Variants in PGP observed in about 807,000 individuals in gnomAD.
PGP encodes the protein aspartate-based ubiquitous Mg(2+)-dependent phosphatase.
A neutral mutation model predicts 19.3 loss-of-function variants in PGP; 9 were observed. The observed-to-expected ratio is 0.47, with a 90% CI of 0.28 to 0.81. The LOEUF (loss-of-function observed/expected upper bound fraction) is 0.81. PGP is among the 40% of genes least tolerant of loss of function. The probability of loss-of-function intolerance (pLI) is 0.11; values close to 1 mark genes in which losing one functional copy is unlikely to be tolerated. For synonymous variants in PGP, 308 were observed against 226.8 expected (o/e 1.36, Z -3.22); for missense variants, 403 against 479.9 (o/e 0.84, Z 1.50).
At position 2,214,172 on chromosome 16, in the gene PGP, G is replaced by C; in HGVS notation, c.606C>G (p.Asn202Lys). The C allele has an allele frequency of 6.3e-7, 1 of 1,594,610 alleles. No homozygotes were observed. Among genetic ancestry groups the C allele is most frequent in the Non-Finnish European group, 8.5e-7 (1 of 1,178,676 alleles). ...AGCGGCCGTTCTCAAGCGGAAGCCG[G>C]TTGTCCATGTTGGTGCCCACGAGCA... ...GCLLVGTNMD[N>K]RLPLENGRFI... Residue 202 changes from asparagine to lysine, a missense_variant, in exon 1 of 2, where the codon AAC (asparagine) becomes AAG (lysine). Physicochemically the swap from Asn to Lys is moderately conservative, Grantham distance 94 (BLOSUM62 0). Coordinates refer to ENST00000333503, the MANE Select transcript of PGP (RefSeq NM_001042371.3). The surrounding 1 kb of genome is among the most constrained non-coding windows in gnomAD (Gnocchi z 7.1).
Position 2,211,849 on chromosome 16 carries a change from C to T in PGP, c.*1879G>A, listed in dbSNP as rs368222893. On this transcript the variant is annotated 3_prime_UTR_variant, in exon 2 of 2. Transcript: ENST00000333503. ...TTTCCCTCATTCTTCAAAACATCTT[C>T]CTCTGAACCAGGCTGGGAGTGGGCA... 18 of 985,532 alleles carry T rather than the reference C, an allele frequency of 1.8e-5. No individual in the cohort carries two copies. The highest frequency in any genetic ancestry group is 5.2e-5 in the African/African-American group (3 of 57,360). The allele number at this position is 985,532 out of a possible 1,614,324, so 61.0% of individuals were successfully genotyped here.
At position 2,214,209 on chromosome 16, in the gene PGP, T is replaced by A; in HGVS notation, c.569A>T (p.Gln190Leu). 1 of 1,595,906 alleles carries A rather than the reference T, an allele frequency of 6.3e-7. No homozygotes were observed. Among genetic ancestry groups the A allele is most frequent in the Non-Finnish European group, 8.5e-7 (1 of 1,179,078 alleles). The change falls in exon 1 of 2, where the codon CAG becomes CTG. Residue 190 changes from glutamine (Q) to leucine (L), a missense_variant. By Grantham distance (113) the Gln-to-Leu change is moderately radical. Transcript: ENST00000333503. This position sits in a 1 kb window ranked among gnomAD's most constrained non-coding sequence, Gnocchi z 7.1. ...KLTKALRYLQ[Q>L]PGCLLVGTNM... The stretch of plus-strand genomic sequence containing the variant: ...GGTGCCCACGAGCAGGCAGCCGGGC[T>A]GCTGCAGGTAGCGCAGGGCCTTGGT...
chr16:2,212,066 T>A lies in PGP; in HGVS notation c.*1662A>T. On this transcript the variant is annotated 3_prime_UTR_variant, in exon 2 of 2. Coordinates refer to ENST00000333503, the MANE Select transcript of PGP (RefSeq NM_001042371.3). ...AGCCCCTCATGGGCCAGAGACAGGA[T>A]GCACGGGGACTCCCAGCCCCTACCC... The A allele has an allele frequency of 2.0e-6, 2 of 985,452 alleles. No homozygotes were observed. The highest frequency in any genetic ancestry group is 2.4e-6 in the Non-Finnish European group (2 of 829,936). 61.0% of individuals were successfully genotyped at this position (985,452 alleles called of 1,614,324 possible). A position where few individuals can be genotyped will look rare whatever the true frequency, so the allele number is the denominator to read the frequency against.
rs1173509154 is a variant in PGP at position 2,214,175 on chromosome 16, G to A, written c.603C>T (p.Asp201=). 4 of 1,595,508 alleles carry A rather than the reference G, an allele frequency of 2.5e-6. No individual in the cohort carries two copies. Among genetic ancestry groups the A allele is most frequent in the South Asian group, 2.2e-5 (2 of 90,680 alleles). ...GGCCGTTCTCAAGCGGAAGCCGGTT[G>A]TCCATGTTGGTGCCCACGAGCAGGC... ...PGCLLVGTNM[D]NRLPLENGRF... is the part of the protein sequence containing the mutation. The change falls in exon 1 of 2, where the codon GAC becomes GAT. Residue 201 remains aspartate (D), a synonymous_variant. Coordinates refer to ENST00000333503, the MANE Select transcript of PGP (RefSeq NM_001042371.3). This position sits in a 1 kb window ranked among gnomAD's most constrained non-coding sequence, Gnocchi z 7.1.
In PGP at chr16:2,214,007, C is replaced by G; in HGVS notation, c.687G>C (p.Gln229His). ...GGCTGGGCTTCCCGATGATGTCGGC[C>G]TGGCGCTGGGCGGCCATCTCCACGG... ...VRAVEMAAQRQADIIGKPSRF... is the reference protein window; with the variant it reads ...VRAVEMAAQRHADIIGKPSRF... The change falls in exon 2 of 2, where the codon CAG becomes CAC. Residue 229 changes from glutamine (Q) to histidine (H), a missense_variant. Coordinates refer to ENST00000333503, the MANE Select transcript of PGP (RefSeq NM_001042371.3). This position sits in a 1 kb window ranked among gnomAD's most constrained non-coding sequence, Gnocchi z 7.1. 1 of 1,605,410 alleles carries G rather than the reference C, an allele frequency of 6.2e-7. No individual in the cohort carries two copies. Among genetic ancestry groups the G allele is most frequent in the Non-Finnish European group, 8.5e-7 (1 of 1,174,844 alleles).
In PGP at chr16:2,212,590, C is replaced by CTCTAAA; in HGVS notation, c.*1137_*1138insTTTAGA. The CTCTAAA allele has an allele frequency of 1.0e-6, 1 of 985,488 alleles. No individual in the cohort carries two copies. 61.0% of individuals were successfully genotyped at this position (985,488 alleles called of 1,614,324 possible). A position where few individuals can be genotyped will look rare whatever the true frequency, so the allele number is the denominator to read the frequency against. ...GCAGGTGACCTCCTGGGCCACCAGT[C>CTCTAAA]TCTAACCCCTACCCCAGCCTAGGGA... On this transcript the variant is annotated 3_prime_UTR_variant, in exon 2 of 2. Transcript: ENST00000333503.
Position 2,212,310 on chromosome 16 carries a change from A to G in PGP, c.*1418T>C. ...CTCAGGACGCCTCTTATTGCTCTGA[A>G]GTCTTTGTGACCAAGTGGAGTGCTG... On this transcript the variant is annotated 3_prime_UTR_variant, in exon 2 of 2. Transcript: ENST00000333503. The G allele has an allele frequency of 1.0e-6, 1 of 986,046 alleles. No homozygotes were observed. The highest frequency in any genetic ancestry group is 1.2e-6 in the Non-Finnish European group (1 of 830,130). The allele number at this position is 986,046 out of a possible 1,614,324, so 61.1% of individuals were successfully genotyped here.
Position 2,213,625 on chromosome 16 carries a change from T to C in PGP, c.*103A>G, listed in dbSNP as rs2093380897. On this transcript the variant is annotated 3_prime_UTR_variant, in exon 2 of 2. Coordinates refer to ENST00000333503, the MANE Select transcript of PGP (RefSeq NM_001042371.3). ...TTTGCTTAACTCCAATTACACTCTT[T>C]GAAGCCACTTAGCCGAGCAGATGCT... 9 of 1,166,812 alleles carry C rather than the reference T, an allele frequency of 7.7e-6. No homozygotes were observed. The East Asian group carries it at 1.8e-4, about 24-fold the overall frequency. 72.3% of individuals were successfully genotyped at this position (1,166,812 alleles called of 1,614,324 possible). A position where few individuals can be genotyped will look rare whatever the true frequency, so the allele number is the denominator to read the frequency against.
At position 2,213,045 on chromosome 16, in the gene PGP, G is replaced by A; in HGVS notation, c.*683C>T. Reference sequence around the variant, plus strand: ...ATAAATGCACACTTGAGACAGCAGAGCTTTAGCTGGGCTGCGTTTACAGAA... The same window carrying A: ...ATAAATGCACACTTGAGACAGCAGAACTTTAGCTGGGCTGCGTTTACAGAA... On this transcript the variant is annotated 3_prime_UTR_variant, in exon 2 of 2. Transcript: ENST00000333503. 2 of 985,508 alleles carry A rather than the reference G, an allele frequency of 2.0e-6. No homozygotes were observed. The highest frequency in any genetic ancestry group is 1.2e-6 in the Non-Finnish European group (1 of 829,962). The allele number at this position is 985,508 out of a possible 1,614,324, so 61.0% of individuals were successfully genotyped here.
At position 2,214,560 on chromosome 16, in the gene PGP, G is replaced by C; in HGVS notation, c.218C>G (p.Thr73Ser). ...CAGCTTCTCGGCGTAGGCAGCGCGG[G>C]TCTTGCTGCTGTTGTTGGTGATGAA... Reference protein sequence around the residue: ...LGFITNNSSKTRAAYAEKLRR... With the variant: ...LGFITNNSSKSRAAYAEKLRR... Residue 73 changes from threonine (T) to serine (S), a missense_variant, in exon 1 of 2, where the codon ACC becomes AGC. Coordinates refer to ENST00000333503, the MANE Select transcript of PGP (RefSeq NM_001042371.3). The surrounding 1 kb of genome is among the most constrained non-coding windows in gnomAD (Gnocchi z 7.1). 2 of 1,467,562 alleles carry C rather than the reference G, an allele frequency of 1.4e-6. No homozygotes were observed. The highest frequency in any genetic ancestry group is 9.0e-7 in the Non-Finnish European group (1 of 1,113,148). 90.9% of individuals were successfully genotyped at this position (1,467,562 alleles called of 1,614,324 possible). A position where few individuals can be genotyped will look rare whatever the true frequency, so the allele number is the denominator to read the frequency against.
chr16:2,214,758 C>A lies in PGP; in HGVS notation c.20G>T (p.Gly7Val), dbSNP rs2093383672. Reference protein sequence around the residue: MAAAEAGGDDARCVRLS... With the variant: MAAAEAVGDDARCVRLS... ...CCGCACGCAGCGGGCGTCGTCGCCA[C>A]CGGCCTCCGCCGCCGCCATCGCCGC... The change falls in exon 1 of 2, where the codon GGT (glycine) becomes GTT (valine). Residue 7 changes from glycine (G) to valine (V), a missense_variant. Transcript: ENST00000333503. This position sits in a 1 kb window ranked among gnomAD's most constrained non-coding sequence, Gnocchi z 7.1. The A allele has an allele frequency of 6.1e-6, 7 of 1,142,120 alleles. No homozygotes were observed. The highest frequency in any genetic ancestry group is 7.5e-6 in the Non-Finnish European group (7 of 929,176). The allele number at this position is 1,142,120 out of a possible 1,614,324, so 70.7% of individuals were successfully genotyped here.
Position 2,212,424 on chromosome 16 carries a change from C to G in PGP, c.*1304G>C, listed in dbSNP as rs111487907. The G allele has an allele frequency of 5.3e-5, 52 of 985,760 alleles. No homozygotes were observed. The highest frequency in any genetic ancestry group is 6.1e-5 in the Non-Finnish European group (51 of 830,048). 61.1% of individuals were successfully genotyped at this position (985,760 alleles called of 1,614,324 possible). Reference sequence around the variant, plus strand: ...GAAGGTGCAGCATCCCGGGATGGCCCTGCTGAGTCTGCTGTCAGGCCTGTG... The same window carrying G: ...GAAGGTGCAGCATCCCGGGATGGCCGTGCTGAGTCTGCTGTCAGGCCTGTG... On this transcript the variant is annotated 3_prime_UTR_variant, in exon 2 of 2. Transcript: ENST00000333503.
rs1477912299 is a variant in PGP at position 2,212,743 on chromosome 16, G to A, written c.*985C>T. 2.0e-6 allele frequency: 2 copies of A among 985,276 alleles called. No homozygotes were observed. Among genetic ancestry groups the A allele is most frequent in the African/African-American group, 3.5e-5 (2 of 57,246 alleles). 61.0% of individuals were successfully genotyped at this position (985,276 alleles called of 1,614,324 possible). The stretch of plus-strand genomic sequence containing the variant: ...CTTGGCCAACACATGCTTGAGCCGC[G>A]CTGCTGGCTGCAGGGCACCTGGATG... On this transcript the variant is annotated 3_prime_UTR_variant, in exon 2 of 2. Transcript: ENST00000333503.
chr16:2,213,264 C>T lies in PGP; in HGVS notation c.*464G>A, dbSNP rs992577738. 1.8e-5 allele frequency: 18 copies of T among 986,154 alleles called. No individual in the cohort carries two copies. Among genetic ancestry groups the T allele is most frequent in the Middle Eastern group, 5.2e-4 (1 of 1,914 alleles). The allele number at this position is 986,154 out of a possible 1,614,324, so 61.1% of individuals were successfully genotyped here. A position where few individuals can be genotyped will look rare whatever the true frequency, so the allele number is the denominator to read the frequency against. On this transcript the variant is annotated 3_prime_UTR_variant, in exon 2 of 2. Transcript: ENST00000333503. ...GGAGGCACAGGGACACAGAAGGCTC[C>T]GCTGGACTTTCAGTCATACTGATGG...
chr16:2,214,628 G>A lies in PGP; in HGVS notation c.150C>T (p.Pro50=), dbSNP rs1447716738. 6.9e-6 allele frequency: 10 copies of A among 1,448,204 alleles called. No individual in the cohort carries two copies. The highest frequency in any genetic ancestry group is 1.3e-5 in the South Asian group (1 of 75,920). 89.7% of individuals were successfully genotyped at this position (1,448,204 alleles called of 1,614,324 possible). ...WRGETAVPGA[P]EALRALRARG... Reference sequence around the variant, plus strand: ...GGGCTCGCAGCGCCCGCAGGGCCTCGGGCGCGCCAGGCACGGCGGTCTCCC... The same window carrying A: ...GGGCTCGCAGCGCCCGCAGGGCCTCAGGCGCGCCAGGCACGGCGGTCTCCC... Residue 50 remains proline (P), a synonymous_variant, in exon 1 of 2, where the codon CCC becomes CCT. Coordinates refer to ENST00000333503, the MANE Select transcript of PGP (RefSeq NM_001042371.3). The surrounding 1 kb of genome is among the most constrained non-coding windows in gnomAD (Gnocchi z 7.1).
In PGP at chr16:2,213,726, C is replaced by CT; in HGVS notation, c.*1dup. On this transcript the variant is annotated 3_prime_UTR_variant, in exon 2 of 2. Coordinates refer to ENST00000333503, the MANE Select transcript of PGP (RefSeq NM_001042371.3). ...ATTCTGCAGATTAAAGACACTCAAT[C>CT]TTTAACCTTGAAGGGCAGGCAAAAG... The CT allele has an allele frequency of 5.3e-6, 8 of 1,519,530 alleles. No individual in the cohort carries two copies. Among genetic ancestry groups the CT allele is most frequent in the Non-Finnish European group, 7.1e-6 (8 of 1,132,418 alleles). The allele number at this position is 1,519,530 out of a possible 1,614,324, so 94.1% of individuals were successfully genotyped here.
rs1455326433 is a variant in PGP, at chr16:2,213,336, C to T, written c.*392G>A. On this transcript the variant is annotated 3_prime_UTR_variant, in exon 2 of 2. Coordinates refer to ENST00000333503, the MANE Select transcript of PGP (RefSeq NM_001042371.3). ...CTCCCAACAGTCAGAATAATCAGTCCCTCTGCCCCCTGAGGGGCTGGATCC... is the reference window on the plus strand; with the variant it reads ...CTCCCAACAGTCAGAATAATCAGTCTCTCTGCCCCCTGAGGGGCTGGATCC... The T allele has an allele frequency of 8.1e-6, 8 of 991,598 alleles. No individual in the cohort carries two copies. Among genetic ancestry groups the T allele is most frequent in the African/African-American group, 7.0e-5 (4 of 57,392 alleles). The allele number at this position is 991,598 out of a possible 1,614,324, so 61.4% of individuals were successfully genotyped here. A position where few individuals can be genotyped will look rare whatever the true frequency, so the allele number is the denominator to read the frequency against.
rs188069612 is a variant in PGP at position 2,212,608 on chromosome 16, C to G, written c.*1120G>C. 21 of 985,490 alleles carry G rather than the reference C, an allele frequency of 2.1e-5. No individual in the cohort carries two copies. The Admixed American group carries it at 9.2e-4, about 43-fold the overall frequency. 61.0% of individuals were successfully genotyped at this position (985,490 alleles called of 1,614,324 possible). A position where few individuals can be genotyped will look rare whatever the true frequency, so the allele number is the denominator to read the frequency against. On this transcript the variant is annotated 3_prime_UTR_variant, in exon 2 of 2. Transcript: ENST00000333503. The stretch of plus-strand genomic sequence containing the variant: ...CACCAGTCTCTAACCCCTACCCCAG[C>G]CTAGGGAAGGGGAGGACAGGAAGAG...
Position 2,214,179 on chromosome 16 carries a change from A to G in PGP, c.599T>C (p.Met200Thr). The part of the protein sequence containing the change: ...QPGCLLVGTN[M>T]DNRLPLENGR... ...GTTCTCAAGCGGAAGCCGGTTGTCCATGTTGGTGCCCACGAGCAGGCAGCC... is the reference window on the plus strand; with the variant it reads ...GTTCTCAAGCGGAAGCCGGTTGTCCGTGTTGGTGCCCACGAGCAGGCAGCC... Residue 200 changes from methionine to threonine, a missense_variant, in exon 1 of 2, where the codon ATG becomes ACG. Transcript: ENST00000333503. The surrounding 1 kb of genome is among the most constrained non-coding windows in gnomAD (Gnocchi z 7.1). 2 of 1,588,072 alleles carry G rather than the reference A, an allele frequency of 1.3e-6. No homozygotes were observed. The highest frequency in any genetic ancestry group is 1.7e-6 in the Non-Finnish European group (2 of 1,177,632).
Sources: gnomAD v4.1 joint callset for allele counts on GRCh38, gnomAD v4.1.1 for gene constraint, Gnocchi (gnomAD v3.1) non-coding constraint, MANE v1.5 for transcripts, NCBI Gene and HGNC (gene_info 2026-07-23, HGNC 2026-07-21) for gene names.